Variants in YJU2 observed in about 807,000 individuals in gnomAD.
YJU2 encodes the protein YJU2 splicing factor homolog.
YJU2 carries 28 observed loss-of-function variants against 39.6 expected under a neutral mutation model. That is an observed-to-expected ratio of 0.71 (90% confidence interval 0.52 to 0.97). YJU2 has a LOEUF of 0.97. Among genes scored for constraint, YJU2 ranks in the 50% least tolerant of loss-of-function variants. YJU2 has a pLI of 0.00. For synonymous variants in YJU2, 184 were observed against 182.4 expected (o/e 1.01, Z -0.07); for missense variants, 328 against 430.4 (o/e 0.76, Z 2.11).
At chr19:4,267,802 G>C (rs751820264) in intron 7 of YJU2, 28 bp downstream of exon 7, 2 of 1,594,786 alleles carry the variant, frequency 1.3e-6, no homozygotes, top group Non-Finnish European at 1.7e-6. Context: ...CCAGAGCCGG[G>C]CGCGGTTTCT....
intron 2 of YJU2, among the ~76,000 whole-genome samples, chr19:4,249,997 G>A (rs1599495676): frequency 6.6e-6 from 1 of 152,036 alleles, no homozygotes; most frequent in East Asian, 1.9e-4. Flanking sequence ...GTGAGCTGCC[G>A]CACCTGGCCT....
At chr19:4,255,992 A>G (rs975034750) in intron 4 of YJU2, among the ~76,000 whole-genome samples, 2 of 151,598 alleles carry the variant, frequency 1.3e-5, no homozygotes, top group African/African-American at 4.8e-5. Flanking sequence ...GGGCAACAAG[A>G]GTAAAACTCT....
At chr19:4,247,356 G>A (rs1970927417) in intron 1 of YJU2, 186 bp downstream of exon 1, 3 of 573,258 alleles carry the variant, frequency 5.2e-6, no homozygotes, top group South Asian at 4.2e-5. Flanking sequence ...GTGGGCCTTC[G>A]CTAAGTCTCC....
intron 3 of YJU2, among the ~76,000 whole-genome samples, chr19:4,253,885 G>A (rs936979847): frequency 4.0e-5 from 6 of 151,546 alleles, no homozygotes; most frequent in African/African-American, 7.3e-5. Flanking sequence ...GTACAGTGGT[G>A]TGATCTCAGC....
intron 6 of YJU2, among the ~76,000 whole-genome samples, chr19:4,263,073 CAAAAAAA>C (rs748864015): frequency 9.4e-6 from 1 of 106,450 alleles, no homozygotes; most frequent in South Asian, 3.1e-4. Context: ...GACTCTGTCT[CAAAAAAA>C]AAAAAAAAAA....
intron 3 of YJU2, among the ~76,000 whole-genome samples, chr19:4,253,630 G>A (rs2144690849): frequency 6.6e-6 from 1 of 152,260 alleles, no homozygotes; most frequent in South Asian, 2.1e-4. Context: ...ACCAAAGGTA[G>A]ATTTCAGTTT....
At chr19:4,256,810 A>G (rs969964407) in intron 4 of YJU2, among the ~76,000 whole-genome samples, 3 of 152,062 alleles carry the variant, frequency 2.0e-5, no homozygotes, top group African/African-American at 7.2e-5. Flanking sequence ...TGCTTGAGCA[A>G]CCTCACAACA....
In YJU2 at chr19:4,262,002, TGGA is replaced by T. The variant is rs1175487199; in HGVS notation, c.600_602del (p.Glu201del). On this transcript the variant is annotated inframe_deletion, in exon 6 of 8. Transcript: ENST00000262962. ...CATCTTCCATCCCACAGGGCCCTGT[TGGA>T]GGAAGCCAGAAAGCGAAGACTGCTG... The T allele has an allele frequency of 6.2e-7, 1 of 1,613,210 alleles. No homozygotes were observed. Among genetic ancestry groups the T allele is most frequent in the Non-Finnish European group, 8.5e-7 (1 of 1,179,832 alleles).
intron 6 of YJU2, among the ~76,000 whole-genome samples, chr19:4,262,764 C>T (rs1216846502): frequency 6.6e-6 from 1 of 151,804 alleles, no homozygotes; most frequent in East Asian, 1.9e-4. Context: ...AAAAATTAGT[C>T]ATGGGTGGTG....
chr19:4,248,875 C>T (rs1329158694), intron 1 of YJU2, among the ~76,000 whole-genome samples: 4 of 152,158 alleles, frequency 2.6e-5, no homozygotes, highest in African/African-American at 7.2e-5. Context: ...GCCAAGATCG[C>T]GCCACTGGAC....
intron 3 of YJU2, 38 bp downstream of exon 3, chr19:4,251,209 C>T: frequency 1.2e-6 from 2 of 1,605,088 alleles, no homozygotes; most frequent in Non-Finnish European, 8.5e-7. Flanking sequence ...CCCTCTCCCC[C>T]AGCACACCTC....
At position 4,258,237 on chromosome 19, in the gene YJU2, G is replaced by C. The variant is rs369558139; in HGVS notation, c.406-5G>C. On this transcript the variant is annotated splice_region_variant and splice_polypyrimidine_tract_variant and intron_variant, in intron 4 of 7. Coordinates refer to ENST00000262962, the MANE Select transcript of YJU2 (RefSeq NM_018074.6). ...CACTCAGCCCCGCCGCCCCGCGCCC[G>C]CCAGGTGCTGGAGAACCGGACCAAG... The C allele has an allele frequency of 6.4e-7, 1 of 1,551,138 alleles. No individual in the cohort carries two copies. Among genetic ancestry groups the C allele is most frequent in the African/African-American group, 1.4e-5 (1 of 73,110 alleles).
Position 4,249,260 on chromosome 19 carries a change from G to A in YJU2, c.57G>A (p.Lys19=). The A allele has an allele frequency of 6.2e-7, 1 of 1,613,690 alleles. No individual in the cohort carries two copies. The highest frequency in any genetic ancestry group is 8.5e-7 in the Non-Finnish European group (1 of 1,179,824). The change falls in exon 2 of 8, where the codon AAG becomes AAA. Residue 19 remains lysine, a synonymous_variant. Coordinates refer to ENST00000262962, the MANE Select transcript of YJU2 (RefSeq NM_018074.6). ...ACCCGCCGGACTTTGACCCATCAAAGATCCCCAAACTCAAGCTCCCCAAAG... is the reference window on the plus strand; with the variant it reads ...ACCCGCCGGACTTTGACCCATCAAAAATCCCCAAACTCAAGCTCCCCAAAG... The part of the protein sequence containing the change: ...KYYPPDFDPS[K]IPKLKLPKDR...
intron 3 of YJU2, among the ~76,000 whole-genome samples, chr19:4,251,911 C>T (rs540802484): frequency 2.6e-5 from 4 of 151,640 alleles, no homozygotes; most frequent in Admixed American, 6.6e-5. Context: ...CGCTTGAACC[C>T]GAGAGGGAGA....
intron 4 of YJU2, among the ~76,000 whole-genome samples, chr19:4,256,761 T>C (rs1036696480): frequency 5.3e-5 from 8 of 152,328 alleles, no homozygotes; most frequent in African/African-American, 1.7e-4. Flanking sequence ...CTCTACTGGC[T>C]GTTGGCTGTC....
At chr19:4,252,590 C>T (rs1226547901) in intron 3 of YJU2, among the ~76,000 whole-genome samples, 2 of 151,548 alleles carry the variant, frequency 1.3e-5, no homozygotes, top group Non-Finnish European at 2.9e-5. Context: ...GGCGACAGAG[C>T]GAGACTCCGT....
chr19:4,265,377 A>T (rs1971107662), intron 6 of YJU2, among the ~76,000 whole-genome samples: 1 of 151,766 alleles, frequency 6.6e-6, no homozygotes, highest in African/African-American at 2.4e-5. Flanking sequence ...CCTCTCAAGT[A>T]GCTGGGACCC....
At chr19:4,264,355 T>G (rs951924496) in intron 6 of YJU2, among the ~76,000 whole-genome samples, 2 of 150,744 alleles carry the variant, frequency 1.3e-5, no homozygotes, top group African/African-American at 4.9e-5. Context: ...TTGCCCAGGC[T>G]GGAGTGCAGT....
chr19:4,256,168 G>A (rs1180510625), intron 4 of YJU2, among the ~76,000 whole-genome samples: 31 of 52,816 alleles, frequency 5.9e-4, no homozygotes, highest in African/African-American at 2.3e-3. Context: ...CAAGACTGTC[G>A]CAAAAAAAAA....
Sources: allele counts gnomAD v4.1 joint callset (sites outside exome capture counted in the v4.1 genomes callset), GRCh38; gene constraint gnomAD v4.1.1; transcripts MANE v1.5; gene names NCBI Gene and HGNC (gene_info 2026-07-23, HGNC 2026-07-21).